Variants in DTNBP1 observed in about 807,000 individuals in gnomAD.
The protein encoded by DTNBP1 is dystrobrevin binding protein 1.
DTNBP1 carries 35 observed loss-of-function variants against 42.8 expected under a neutral mutation model. The ratio of observed to expected loss-of-function variants is 0.82; its 90% confidence interval spans 0.63 to 1.09. DTNBP1 has a LOEUF of 1.09. Among genes scored for constraint, DTNBP1 ranks in the 50% least tolerant of loss-of-function variants. DTNBP1 has a pLI of 0.00. For missense variants in DTNBP1, 457 were observed against 424.2 expected (o/e 1.08, Z -0.68); for synonymous variants, 171 against 162.2 (o/e 1.05, Z -0.41).
At chr6:15,600,500 G>A (rs1027448834) in intron 6 of DTNBP1, among the ~76,000 whole-genome samples, 17 of 152,114 alleles carry the variant, frequency 1.1e-4, no homozygotes, top group African/African-American at 3.6e-4. Flanking sequence ...TTATCTTGAC[G>A]ATCAGAAATC....
chr6:15,564,310 A>G (rs1333983832), intron 7 of DTNBP1, among the ~76,000 whole-genome samples: 1 of 152,136 alleles, frequency 6.6e-6, no homozygotes, highest in Non-Finnish European at 1.5e-5. Flanking sequence ...TGTAAATCGT[A>G]TATCTGATAA....
chr6:15,539,691 A>G (rs1773448661), intron 7 of DTNBP1, among the ~76,000 whole-genome samples: 1 of 152,116 alleles, frequency 6.6e-6, no homozygotes, highest in African/African-American at 2.4e-5. Flanking sequence ...CGTTCTCAAC[A>G]CTTCTCAGAG....
At position 15,524,812 on chromosome 6, in the gene DTNBP1, CAT is replaced by C. The variant is rs1308956856; in HGVS notation, c.668-145_668-144del. ...TTTGAAGCAACGTATTAGTAGATGA[CAT>C]ATGCCAGTCTGGCACTTTAAATGCA... On this transcript the variant is annotated intron_variant, in intron 8 of 9. Coordinates refer to ENST00000344537, the MANE Select transcript of DTNBP1 (RefSeq NM_032122.5). 5 of 1,278,816 alleles carry C rather than the reference CAT, an allele frequency of 3.9e-6. No individual in the cohort carries two copies. In the African/African-American group the frequency reaches 4.4e-5, roughly 11 times the overall value. 79.2% of individuals were successfully genotyped at this position (1,278,816 alleles called of 1,614,324 possible).
intron 3 of DTNBP1, among the ~76,000 whole-genome samples, chr6:15,640,173 G>A (rs569959874): frequency 2.6e-5 from 4 of 152,234 alleles, no homozygotes; most frequent in African/African-American, 4.8e-5. Flanking sequence ...ATCCAACCTC[G>A]CATGGGCCTT....
intron 4 of DTNBP1, among the ~76,000 whole-genome samples, chr6:15,633,957 T>C (rs145475593): frequency 1.2e-3 from 186 of 152,328 alleles, no homozygotes; most frequent in African/African-American, 4.3e-3. Flanking sequence ...AAACATAACT[T>C]TTATATGCAC....
intron 6 of DTNBP1, among the ~76,000 whole-genome samples, chr6:15,594,186 G>A (rs1776410445): frequency 6.6e-6 from 1 of 152,108 alleles, no homozygotes. Context: ...TGTGTGGCTG[G>A]GCGTGGTGGC....
chr6:15,638,084 ATG>A (rs2113769949), intron 3 of DTNBP1, among the ~76,000 whole-genome samples: 1 of 152,334 alleles, frequency 6.6e-6, no homozygotes, highest in Non-Finnish European at 1.5e-5. Context: ...AAATAAATCA[ATG>A]AGAGAGAAGA....
chr6:15,627,798 A>C (rs1181188790), intron 4 of DTNBP1, among the ~76,000 whole-genome samples: 1 of 151,798 alleles, frequency 6.6e-6, no homozygotes, highest in Admixed American at 6.6e-5. Flanking sequence ...TAGAAAAAAA[A>C]AAAACAAAAA....
At chr6:15,554,217 T>C (rs530367640) in intron 7 of DTNBP1, among the ~76,000 whole-genome samples, 7 of 152,332 alleles carry the variant, frequency 4.6e-5, no homozygotes, top group African/African-American at 1.2e-4. Context: ...ATAAAACTTA[T>C]ATTAAATTTG....
intron 7 of DTNBP1, among the ~76,000 whole-genome samples, chr6:15,537,390 C>T (rs1773301353): frequency 1.3e-5 from 2 of 151,368 alleles, no homozygotes; most frequent in African/African-American, 4.9e-5. Context: ...GATCACGCTA[C>T]TGCACTCCAG....
intron 3 of DTNBP1, among the ~76,000 whole-genome samples, chr6:15,645,062 A>G (rs1014280806): frequency 6.6e-6 from 1 of 152,096 alleles, no homozygotes; most frequent in African/African-American, 2.4e-5. Context: ...AAGAAAAGAG[A>G]TTCAAATAAG....
intron 6 of DTNBP1, among the ~76,000 whole-genome samples, chr6:15,598,011 A>G (rs1776582154): frequency 6.6e-6 from 1 of 152,244 alleles, no homozygotes; most frequent in Non-Finnish European, 1.5e-5. Context: ...ACATATTTCA[A>G]AATTTACTCA....
chr6:15,532,719 T>TTTTTTTTTTA (rs1772940607), intron 8 of DTNBP1, among the ~76,000 whole-genome samples: 1 of 145,190 alleles, frequency 6.9e-6, no homozygotes, highest in Non-Finnish European at 1.5e-5. Context: ...TTTTTTTTTT[T>TTTTTTTTTTA]GAGACAGTCT....
intron 8 of DTNBP1, among the ~76,000 whole-genome samples, chr6:15,525,930 T>C (rs972164965): frequency 2.0e-5 from 3 of 151,894 alleles, no homozygotes; most frequent in Admixed American, 6.6e-5. Context: ...ATCAAAGCAA[T>C]CTTCACCTAC....
At chr6:15,612,422 C>T (rs1758459424) in intron 6 of DTNBP1, among the ~76,000 whole-genome samples, 1 of 152,144 alleles carries the variant, frequency 6.6e-6, no homozygotes, top group Non-Finnish European at 1.5e-5. Flanking sequence ...TCCACAATAT[C>T]TTTGAGGTAT....
chr6:15,570,405 G>T (rs1231104248), intron 7 of DTNBP1, among the ~76,000 whole-genome samples: 1 of 152,150 alleles, frequency 6.6e-6, no homozygotes, highest in Non-Finnish European at 1.5e-5. Flanking sequence ...AGTCACACAT[G>T]TACTCTGAGT....
intron 6 of DTNBP1, among the ~76,000 whole-genome samples, chr6:15,610,630 A>T (rs1482874653): frequency 6.6e-6 from 1 of 152,208 alleles, no homozygotes; most frequent in Non-Finnish European, 1.5e-5. Context: ...TCTGAAAGGA[A>T]ATTAAAAATG....
chr6:15,645,591 T>C (rs1760631406), intron 3 of DTNBP1, among the ~76,000 whole-genome samples: 1 of 152,112 alleles, frequency 6.6e-6, no homozygotes, highest in Non-Finnish European at 1.5e-5. Context: ...TAGTTCACCA[T>C]GATCAAGTGG....
intron 7 of DTNBP1, among the ~76,000 whole-genome samples, chr6:15,566,705 T>TC (rs1184923882): frequency 4.0e-5 from 6 of 150,544 alleles, no homozygotes. Context: ...AATCTCCTTT[T>TC]TTTTTTTTTT....
Sources: allele counts gnomAD v4.1 joint callset (sites outside exome capture counted in the v4.1 genomes callset), GRCh38; gene constraint gnomAD v4.1.1; transcripts MANE v1.5; gene names NCBI Gene and HGNC (gene_info 2026-07-23, HGNC 2026-07-21).